The following GPR158 variants were observed in gnomAD, a reference collection of about 807,000 sequenced individuals.
The protein encoded by GPR158 is G protein-coupled receptor 158, also known as metabotropic glycine receptor.
A neutral mutation model predicts 78.2 loss-of-function variants in GPR158; 30 were observed. The ratio of observed to expected loss-of-function variants is 0.38; its 90% CI spans 0.29 to 0.52. The LOEUF is 0.52. Among genes scored for constraint, GPR158 ranks in the 20% least tolerant of loss-of-function variants. The pLI is 0.83. For synonymous variants in GPR158, 581 were observed against 591.1 expected (o/e 0.98, Z 0.25); for missense variants, 1,463 against 1,523.5 (o/e 0.96, Z 0.66).
chr10:25,443,707 C>G (rs959500045), intron 4 of GPR158, among the ~76,000 whole-genome samples: 4 of 149,924 alleles, frequency 2.7e-5, no homozygotes, highest in African/African-American at 9.8e-5. Context: ...GCTCCCAGCC[C>G]CTCTTCTTTT....
chr10:25,471,754 T>C (rs1835506781), intron 5 of GPR158, among the ~76,000 whole-genome samples: 1 of 152,226 alleles, frequency 6.6e-6, no homozygotes, highest in Non-Finnish European at 1.5e-5. Flanking sequence ...GCTGCATAAA[T>C]ATCTTCTTTT....
intron 4 of GPR158, among the ~76,000 whole-genome samples, chr10:25,445,753 G>A (rs1038464041): frequency 2.0e-5 from 3 of 151,912 alleles, no homozygotes; most frequent in Non-Finnish European, 4.4e-5. Flanking sequence ...AGGAGAGAGG[G>A]GGAGAGAGAG....
chr10:25,485,039 T>C (rs1377011136), intron 5 of GPR158, among the ~76,000 whole-genome samples: 2 of 152,108 alleles, frequency 1.3e-5, no homozygotes, highest in Non-Finnish European at 2.9e-5. Context: ...TCTGTGGTCT[T>C]ATAGGTGAAC....
chr10:25,444,588 G>A (rs1214620110), intron 4 of GPR158, among the ~76,000 whole-genome samples: 2 of 150,836 alleles, frequency 1.3e-5, no homozygotes, highest in Non-Finnish European at 3.0e-5. Context: ...GTGTGTGGGA[G>A]TGTGCGGGTA....
intron 2 of GPR158, among the ~76,000 whole-genome samples, chr10:25,283,218 T>A (rs1588773883): frequency 6.6e-6 from 1 of 152,064 alleles, no homozygotes; most frequent in African/African-American, 2.4e-5. Flanking sequence ...ATCTATTTCT[T>A]CTGGAATAGT....
chr10:25,270,287 A>T (rs1316604234), intron 2 of GPR158, among the ~76,000 whole-genome samples: 1 of 152,192 alleles, frequency 6.6e-6, no homozygotes, highest in African/African-American at 2.4e-5. Context: ...TTCTTTGGTT[A>T]CTGAAGAATA....
At chr10:25,544,001 T>C (rs890575229) in intron 5 of GPR158, among the ~76,000 whole-genome samples, 1 of 152,166 alleles carries the variant, frequency 6.6e-6, no homozygotes, top group Admixed American at 6.5e-5. Context: ...CCAAGAGGCA[T>C]TCTTAAAGGT....
chr10:25,241,899 C>T (rs1454284125), intron 2 of GPR158, among the ~76,000 whole-genome samples: 1 of 152,166 alleles, frequency 6.6e-6, no homozygotes, highest in Admixed American at 6.5e-5. Context: ...TATCTAGACC[C>T]ATTAGTTGAG....
chr10:25,189,789 A>T (rs974978977), intron 1 of GPR158, among the ~76,000 whole-genome samples: 1 of 150,662 alleles, frequency 6.6e-6, no homozygotes, highest in African/African-American at 2.5e-5. Context: ...GTATAATTTA[A>T]AAAAAAAACC....
chr10:25,321,599 C>A (rs1854948425), intron 2 of GPR158, among the ~76,000 whole-genome samples: 1 of 152,072 alleles, frequency 6.6e-6, no homozygotes, highest in Non-Finnish European at 1.5e-5. Flanking sequence ...GGACCTGTCA[C>A]AAAGAACTAT....
intron 2 of GPR158, among the ~76,000 whole-genome samples, chr10:25,253,280 C>G (rs113599813): frequency 5.3e-5 from 8 of 151,142 alleles, no homozygotes; most frequent in East Asian, 3.9e-4. Context: ...TCTTCTGCGT[C>G]GGTCACGCTG....
At chr10:25,197,266 C>T (rs1852856211) in intron 1 of GPR158, among the ~76,000 whole-genome samples, 1 of 152,170 alleles carries the variant, frequency 6.6e-6, no homozygotes, top group Non-Finnish European at 1.5e-5. Context: ...AGCCATCTCA[C>T]CTCTTTGTGT....
At chr10:25,391,889 GGAGGGAAC>G (rs1834303448) in intron 2 of GPR158, among the ~76,000 whole-genome samples, 1 of 152,106 alleles carries the variant, frequency 6.6e-6, no homozygotes, top group South Asian at 2.1e-4. Context: ...ATATATCATG[GGAGGGAAC>G]TGGTAGGAAG....
chr10:25,554,623 CT>C (rs1836764450), intron 6 of GPR158, among the ~76,000 whole-genome samples: 1 of 152,132 alleles, frequency 6.6e-6, no homozygotes, highest in African/African-American at 2.4e-5. Flanking sequence ...AAATCTCCCA[CT>C]TTTTTCTATG....
chr10:25,245,193 G>C (rs1421585426), intron 2 of GPR158, among the ~76,000 whole-genome samples: 1 of 152,220 alleles, frequency 6.6e-6, no homozygotes, highest in Non-Finnish European at 1.5e-5. Flanking sequence ...TCACTGGAAG[G>C]AGAAGTAAAG....
chr10:25,565,252 C>T (rs1836913995), intron 6 of GPR158, among the ~76,000 whole-genome samples: 4 of 152,122 alleles, frequency 2.6e-5, no homozygotes, highest in Admixed American at 2.0e-4. Context: ...TAAACATCTC[C>T]CAACTTCAGG....
At chr10:25,309,233 G>T (rs183693719) in intron 2 of GPR158, among the ~76,000 whole-genome samples, 2 of 151,882 alleles carry the variant, frequency 1.3e-5, no homozygotes, top group African/African-American at 4.8e-5. Flanking sequence ...GTGTGTGTGT[G>T]TTTTCAATAG....
intron 1 of GPR158, among the ~76,000 whole-genome samples, chr10:25,200,371 T>C (rs1237588652): frequency 6.6e-6 from 1 of 152,186 alleles, no homozygotes; most frequent in Non-Finnish European, 1.5e-5. Context: ...TGTCTGTTTT[T>C]TGCTTGTAAA....
intron 6 of GPR158, among the ~76,000 whole-genome samples, chr10:25,558,755 G>A (rs1053886404): frequency 9.9e-5 from 15 of 152,282 alleles, no homozygotes; most frequent in African/African-American, 3.6e-4. Context: ...GACCCATAAG[G>A]TAGTTAGAAG....
Sources: allele counts gnomAD v4.1 joint callset (sites outside exome capture counted in the v4.1 genomes callset), GRCh38; gene constraint gnomAD v4.1.1; transcripts MANE v1.5; gene names NCBI Gene and HGNC (gene_info 2026-07-23, HGNC 2026-07-21).